The following STK24 variants were observed in gnomAD, a reference collection of about 807,000 sequenced individuals.
STK24 encodes the protein serine/threonine kinase 24.
In STK24, 21 loss-of-function variants were observed where a neutral mutation model predicts 55.6. That is an observed-to-expected ratio of 0.38 (90% confidence interval 0.27 to 0.54). The LOEUF is 0.54. Among genes scored for constraint, STK24 ranks in the 20% least tolerant of loss-of-function variants. The pLI is 0.79. For synonymous variants in STK24, 200 were observed against 215.2 expected (o/e 0.93, Z 0.62); for missense variants, 383 against 538.4 (o/e 0.71, Z 2.86).
At chr13:98,571,274 C>G (rs1897732013) in intron 1 of STK24, among the ~76,000 whole-genome samples, 1 of 152,158 alleles carries the variant, frequency 6.6e-6, no homozygotes, top group South Asian at 2.1e-4. Flanking sequence ...GAAAATGAAA[C>G]TCAACCTGCA....
Position 98,508,047 on chromosome 13 carries a change from T to C in STK24, c.273+11196A>G, listed in dbSNP as rs571787040. 1.3e-3 allele frequency among the ~76,000 whole-genome samples: 191 copies of C among 152,108 alleles called. 2 individuals are homozygous for C. The highest frequency in any genetic ancestry group is 4.3e-3 in the African/African-American group (180 of 41,478). Reference sequence around the variant, plus strand: ...TTTGACATTACAATAAACTCAAAAATATAAAGAAACACGTAGCCTGCAATG... The same window carrying C: ...TTTGACATTACAATAAACTCAAAAACATAAAGAAACACGTAGCCTGCAATG... On this transcript the variant is annotated intron_variant, in intron 2 of 10. Transcript: ENST00000539966.
chr13:98,453,209 T>C lies in STK24; in HGVS notation c.1260A>G (p.Arg420=), dbSNP rs1893282286. 1.9e-6 allele frequency: 3 copies of C among 1,612,850 alleles called. No homozygotes were observed. Among genetic ancestry groups the C allele is most frequent in the Middle Eastern group, 1.6e-4 (1 of 6,078 alleles). The change falls in exon 11 of 11, where the codon AGA becomes AGG. Residue 420 remains arginine (R), a splice_region_variant and synonymous_variant. Coordinates refer to ENST00000539966, the MANE Select transcript of STK24 (RefSeq NM_001032296.4). ...AAGTTCCTCCACCACTTAGAGAGTATCTAGGGAAAAAGAGAGAGAGAGAAG... is the reference window on the plus strand; with the variant it reads ...AAGTTCCTCCACCACTTAGAGAGTACCTAGGGAAAAAGAGAGAGAGAGAAG... The part of the protein sequence containing the change: ...MVAQLVQRLQ[R]YSLSGGGTSS...
chr13:98,509,255 G>A (rs750298645), intron 2 of STK24, among the ~76,000 whole-genome samples: 1 of 152,134 alleles, frequency 6.6e-6, no homozygotes, highest in African/African-American at 2.4e-5. Flanking sequence ...ATAAAATACT[G>A]TTATAGCTAA....
chr13:98,448,635 C>T lies in STK24; in HGVS notation c.*4538G>A, dbSNP rs757852965. 5.6e-5 allele frequency: 16 copies of T among 287,006 alleles called. No individual in the cohort carries two copies. Among genetic ancestry groups the T allele is most frequent in the Admixed American group, 3.0e-4 (6 of 20,296 alleles). 17.8% of individuals were successfully genotyped at this position (287,006 alleles called of 1,614,324 possible). A position where few individuals can be genotyped will look rare whatever the true frequency, so the allele number is the denominator to read the frequency against. On this transcript the variant is annotated 3_prime_UTR_variant, in exon 11 of 11. Coordinates refer to ENST00000539966, the MANE Select transcript of STK24 (RefSeq NM_001032296.4). Reference sequence around the variant, plus strand: ...CCCTGAAAAACAGTACACACACATCCGTTCAACACAAGACAGGGCAAGTGT... The same window carrying T: ...CCCTGAAAAACAGTACACACACATCTGTTCAACACAAGACAGGGCAAGTGT...
In STK24 at chr13:98,457,222, G is replaced by C; in HGVS notation, c.1205C>G (p.Ala402Gly). ...LRGAIYLAEE[A>G]CPGISDTMVA... ...CATGGTGTCGGAGATGCCAGGGCAC[G>C]CCTCCTCCGCTAGGTAGATGGCCCC... Residue 402 changes from alanine (A) to glycine (G), a missense_variant, in exon 10 of 11, where the codon GCG (alanine) becomes GGG (glycine). Coordinates refer to ENST00000539966, the MANE Select transcript of STK24 (RefSeq NM_001032296.4). 1 of 1,612,974 alleles carries C rather than the reference G, an allele frequency of 6.2e-7. No individual in the cohort carries two copies.
intron 7 of STK24, among the ~76,000 whole-genome samples, chr13:98,462,391 C>T (rs1893744089): frequency 6.6e-6 from 1 of 152,118 alleles, no homozygotes; most frequent in Non-Finnish European, 1.5e-5. Context: ...CCACCCGTGT[C>T]CCTCCGAGCG....
intron 10 of STK24, chr13:98,456,849 C>T (rs527630714): frequency 1.1e-4 from 51 of 450,066 alleles, no homozygotes; most frequent in Non-Finnish European, 1.9e-4. Flanking sequence ...TGGCTAAGAA[C>T]GATCATTCTC....
chr13:98,570,490 A>G (rs1897713614), intron 1 of STK24, among the ~76,000 whole-genome samples: 1 of 152,244 alleles, frequency 6.6e-6, no homozygotes, highest in Non-Finnish European at 1.5e-5. Context: ...CGTACTTGGT[A>G]AGCATTAATT....
At chr13:98,539,612 G>A (rs370889771) in intron 1 of STK24, among the ~76,000 whole-genome samples, 5 of 152,110 alleles carry the variant, frequency 3.3e-5, no homozygotes, top group African/African-American at 2.4e-5. Flanking sequence ...CAGTAATGAC[G>A]GCTGCATCAT....
intron 10 of STK24, chr13:98,454,763 T>G (rs1893373055): frequency 6.6e-6 from 1 of 152,068 alleles, no homozygotes; most frequent in Admixed American, 6.6e-5. Flanking sequence ...GAACGCTCAG[T>G]GGGAGCTTCA....
Position 98,491,691 on chromosome 13 carries a change from C to CAAA in STK24, c.274-9373_274-9371dup, listed in dbSNP as rs11285292. Among the ~76,000 whole-genome samples, 875 of 132,736 alleles carry CAAA rather than the reference C, an allele frequency of 6.6e-3. 2 individuals are homozygous for CAAA. The highest frequency in any genetic ancestry group is 9.9e-3 in the Non-Finnish European group (623 of 62,766). 87.1% of individuals were successfully genotyped at this position (132,736 alleles called of 152,430 possible). ...GCATTACAAACATTCATTACTAAGC[C>CAAA]AAAAAAAAAAAAAAAATACTAAGTG... On this transcript the variant is annotated intron_variant, in intron 2 of 10. Transcript: ENST00000539966.
chr13:98,538,319 G>A lies in STK24; in HGVS notation c.43-18846C>T, dbSNP rs60990385. Among the ~76,000 whole-genome samples the A allele has an allele frequency of 5.9e-3, 828 of 140,496 alleles. 6 individuals carry two copies. Among genetic ancestry groups the A allele is most frequent in the African/African-American group, 0.02 (788 of 38,646 alleles). The allele number at this position is 140,496 out of a possible 152,430, so 92.2% of individuals were successfully genotyped here. A position where few individuals can be genotyped will look rare whatever the true frequency, so the allele number is the denominator to read the frequency against. On this transcript the variant is annotated intron_variant, in intron 1 of 10. Transcript: ENST00000539966. ...CGATCACTGAAACCTCCGCCTCCCA[G>A]GTTCAAGCAATTCTCCTGCCTCAGC...
chr13:98,557,007 A>G (rs1454677520), intron 1 of STK24, among the ~76,000 whole-genome samples: 6 of 152,158 alleles, frequency 3.9e-5, no homozygotes, highest in Admixed American at 3.9e-4. Flanking sequence ...AGCCACCCAC[A>G]GCACCTCGCA....
intron 1 of STK24, among the ~76,000 whole-genome samples, chr13:98,524,069 C>T (rs148470173): frequency 6.6e-6 from 1 of 152,282 alleles, no homozygotes; most frequent in African/African-American, 2.4e-5. Context: ...GCAGGCAGGG[C>T]ACGCAGACCC....
chr13:98,508,474 G>A (rs1356755220), intron 2 of STK24, among the ~76,000 whole-genome samples: 1 of 152,212 alleles, frequency 6.6e-6, no homozygotes, highest in Non-Finnish European at 1.5e-5. Flanking sequence ...AGGGTCAGCA[G>A]AAAAGAATGC....
chr13:98,528,057 G>A lies in STK24; in HGVS notation c.43-8584C>T, dbSNP rs552704296. Among the ~76,000 whole-genome samples the A allele has an allele frequency of 9.9e-5, 15 of 152,140 alleles. No homozygotes were observed. In the East Asian group the frequency reaches 2.1e-3, roughly 22 times the overall value. On this transcript the variant is annotated intron_variant, in intron 1 of 10. Transcript: ENST00000539966. ...GGCCTCCGCAAAGCTGGAGAGAGCC[G>A]TCTCCATCAGGCTGACCCCTGGGTT... is the stretch of plus-strand genomic sequence containing the variant.
intron 3 of STK24, among the ~76,000 whole-genome samples, chr13:98,481,925 G>A (rs1218640784): frequency 6.6e-6 from 1 of 152,040 alleles, no homozygotes; most frequent in Non-Finnish European, 1.5e-5. Flanking sequence ...AAATTGGCCA[G>A]GTGTGGTGGC....
chr13:98,498,025 T>G (rs1258663528), intron 2 of STK24, among the ~76,000 whole-genome samples: 2 of 152,234 alleles, frequency 1.3e-5, no homozygotes, highest in African/African-American at 4.8e-5. Context: ...CAAAGTCTTA[T>G]GGATGCATTT....
rs187102968 is a variant in STK24 at position 98,485,985 on chromosome 13, G to C, written c.274-3664C>G. Reference sequence around the variant, plus strand: ...CCCCTCCTTCCCACAGAAATGGGAGGAAGCGGAAGAGGAGCAGGGACAGGA... The same window carrying C: ...CCCCTCCTTCCCACAGAAATGGGAGCAAGCGGAAGAGGAGCAGGGACAGGA... On this transcript the variant is annotated intron_variant, in intron 2 of 10. Coordinates refer to ENST00000539966, the MANE Select transcript of STK24 (RefSeq NM_001032296.4). 5.3e-5 allele frequency among the ~76,000 whole-genome samples: 8 copies of C among 152,254 alleles called. No homozygotes were observed. In the East Asian group the frequency reaches 1.5e-3, roughly 29 times the overall value.
Sources: gnomAD v4.1 joint callset for allele counts (sites outside exome capture counted in the v4.1 genomes callset) on GRCh38, gnomAD v4.1.1 for gene constraint, MANE v1.5 for transcripts, NCBI Gene and HGNC (gene_info 2026-07-23, HGNC 2026-07-21) for gene names.